TMPRSS11A: variants seen among roughly 807,000 people sequenced by gnomAD.
The protein encoded by TMPRSS11A is transmembrane serine protease 11A, also known as transmembrane protease serine 11A.
In TMPRSS11A, 53 loss-of-function variants were observed where a neutral mutation model predicts 58.9. That is an observed-to-expected ratio of 0.90 (90% CI 0.72 to 1.13). The LOEUF is 1.13. TMPRSS11A is among the 50% of genes most tolerant of loss of function. The pLI is 0.00. For synonymous variants in TMPRSS11A, 167 were observed against 169.8 expected, an observed-to-expected ratio of 0.98 and a Z score of 0.13; for missense variants, 493 against 499.3, an observed-to-expected ratio of 0.99 and a Z score of 0.12.
intron 5 of TMPRSS11A, among the ~76,000 whole-genome samples, chr4:67,927,334 C>A (rs1017314490): frequency 3.3e-5 from 5 of 152,248 alleles, no homozygotes; most frequent in Admixed American, 2.6e-4. Flanking sequence ...CAGTTCCTGG[C>A]ATCTCCAAGC....
intron 8 of TMPRSS11A, 82 bp downstream of exon 8, chr4:67,918,891 T>G: frequency 1.3e-6 from 2 of 1,487,286 alleles, no homozygotes; most frequent in Non-Finnish European, 9.2e-7. Flanking sequence ...TGGAAATGGC[T>G]GTCAGGATAA....
chr4:67,941,198 C>T (rs894826742), intron 3 of TMPRSS11A, among the ~76,000 whole-genome samples: 8 of 152,284 alleles, frequency 5.3e-5, no homozygotes, highest in South Asian at 2.1e-4. Flanking sequence ...GGACGTGCAA[C>T]CTGTCTTCCT....
At position 67,929,887 on chromosome 4, in the gene TMPRSS11A, T is replaced by C; in HGVS notation, c.474A>G (p.Gln158=). ...AGAAGGGGACCTCCTTACCATTAAC[T>C]TGAACTGATGAGGCATTTATTGGCA... ...RALPINASSV[Q]VNAMSSSTGE... is the part of the protein sequence containing the mutation. Residue 158 remains glutamine, a synonymous_variant, in exon 5 of 10, where the codon CAA becomes CAG. Transcript: ENST00000508048. 1 of 1,610,670 alleles carries C rather than the reference T, an allele frequency of 6.2e-7. No homozygotes were observed.
rs886815331 is a variant in TMPRSS11A at position 67,929,901 on chromosome 4, C to A, written c.460G>T (p.Ala154Ser). 2.5e-6 allele frequency: 4 copies of A among 1,612,724 alleles called. No individual in the cohort carries two copies. The Admixed American group carries it at 5.0e-5, about 20-fold the overall frequency. ...IRNLRALPIN[A>S]SSVQVNAMSS... is the part of the protein sequence containing the mutation. Reference sequence around the variant, plus strand: ...TTACCATTAACTTGAACTGATGAGGCATTTATTGGCAAGGCTCTTAAATTC... The same window carrying A: ...TTACCATTAACTTGAACTGATGAGGAATTTATTGGCAAGGCTCTTAAATTC... The change falls in exon 5 of 10, where the codon GCC (alanine) becomes TCC (serine). Residue 154 changes from alanine to serine, a missense_variant. Transcript: ENST00000508048.
intron 3 of TMPRSS11A, among the ~76,000 whole-genome samples, chr4:67,936,602 G>A (rs1195133326): frequency 2.6e-5 from 4 of 152,050 alleles, no homozygotes; most frequent in Non-Finnish European, 5.9e-5. Flanking sequence ...TCATCAAATG[G>A]GATGTGATAT....
intron 4 of TMPRSS11A, among the ~76,000 whole-genome samples, chr4:67,931,383 A>G (rs1720615022): frequency 6.6e-6 from 1 of 152,174 alleles, no homozygotes; most frequent in South Asian, 2.1e-4. Flanking sequence ...ATACAGGCTC[A>G]TGGATTTGTG....
intron 4 of TMPRSS11A, among the ~76,000 whole-genome samples, chr4:67,930,600 G>A (rs1577859058): frequency 1.3e-5 from 2 of 151,814 alleles, no homozygotes; most frequent in South Asian, 2.1e-4. Flanking sequence ...CCAAATATTT[G>A]AAGACAACAA....
chr4:67,949,543 A>T (rs1305001897), intron 1 of TMPRSS11A, among the ~76,000 whole-genome samples: 1 of 152,192 alleles, frequency 6.6e-6, no homozygotes, highest in Non-Finnish European at 1.5e-5. Flanking sequence ...TTATGAATAT[A>T]AACAAGGAAT....
chr4:67,920,551 T>TATATATATATATATATATATA (rs58054364), intron 7 of TMPRSS11A, among the ~76,000 whole-genome samples: 4 of 80,068 alleles, frequency 5.0e-5, no homozygotes, highest in African/African-American at 1.5e-4. Flanking sequence ...ATATATATAT[T>TATATATATATATATATATATA]TTTTTTTATA....
At chr4:67,949,580 C>T (rs960923681) in intron 1 of TMPRSS11A, among the ~76,000 whole-genome samples, 1 of 152,176 alleles carries the variant, frequency 6.6e-6, no homozygotes, top group Non-Finnish European at 1.5e-5. Context: ...GTATCACCAC[C>T]GGGCATGGTG....
intron 1 of TMPRSS11A, among the ~76,000 whole-genome samples, chr4:67,956,474 A>C (rs990388883): frequency 2.0e-5 from 3 of 152,202 alleles, no homozygotes. Context: ...TTTCAGAAAC[A>C]TATCTATGAA....
At chr4:67,944,192 A>G (rs929278512) in intron 3 of TMPRSS11A, among the ~76,000 whole-genome samples, 1 of 152,144 alleles carries the variant, frequency 6.6e-6, no homozygotes, top group African/African-American at 2.4e-5. Flanking sequence ...AGGCTTTTCT[A>G]CAGGGGAAAC....
intron 1 of TMPRSS11A, among the ~76,000 whole-genome samples, chr4:67,949,897 A>G (rs1468040208): frequency 1.3e-5 from 2 of 152,148 alleles, no homozygotes; most frequent in Admixed American, 6.5e-5. Context: ...CAGAGGCCAT[A>G]TTAGTCATTT....
chr4:67,961,827 G>A, intron 1 of TMPRSS11A, among the ~76,000 whole-genome samples: 1 of 151,916 alleles, frequency 6.6e-6, no homozygotes, highest in East Asian at 1.9e-4. Context: ...TCCTTTATCA[G>A]CAGGTGTCAC....
Position 67,932,063 on chromosome 4 carries a change from G to T in TMPRSS11A, c.253-3C>A, listed in dbSNP as rs767860533. 2 of 1,517,526 alleles carry T rather than the reference G, an allele frequency of 1.3e-6. No individual in the cohort carries two copies. Among genetic ancestry groups the T allele is most frequent in the Non-Finnish European group, 1.8e-6 (2 of 1,093,232 alleles). 94.0% of individuals were successfully genotyped at this position (1,517,526 alleles called of 1,614,324 possible). A position where few individuals can be genotyped will look rare whatever the true frequency, so the allele number is the denominator to read the frequency against. ...GAATCTATAAATATCTCATCCACCT[G>T]TTACACAACAAGAGAGAAACTATGT... On this transcript the variant is annotated splice_polypyrimidine_tract_variant and splice_region_variant and intron_variant, in intron 3 of 9. Transcript: ENST00000508048.
chr4:67,931,044 G>A (rs903833913), intron 4 of TMPRSS11A, among the ~76,000 whole-genome samples: 2 of 151,972 alleles, frequency 1.3e-5, no homozygotes, highest in African/African-American at 4.8e-5. Flanking sequence ...GTATTATATA[G>A]TGATGGCTAC....
chr4:67,916,472 TACACAC>T (rs34678013), intron 8 of TMPRSS11A, among the ~76,000 whole-genome samples: 3,006 of 150,170 alleles, frequency 0.02, 73 homozygotes, highest in African/African-American at 0.058. Flanking sequence ...ATATATATTA[TACACAC>T]ACACACACAC....
At chr4:67,962,502 C>T (rs1468171293) in intron 1 of TMPRSS11A, among the ~76,000 whole-genome samples, 1 of 152,120 alleles carries the variant, frequency 6.6e-6, no homozygotes, top group African/African-American at 2.4e-5. Context: ...GACCTGGAGA[C>T]GTCCCCTAAC....
intron 4 of TMPRSS11A, 148 bp from the exon 5 acceptor site, chr4:67,930,188 T>C: frequency 7.2e-6 from 4 of 555,952 alleles, no homozygotes; most frequent in Non-Finnish European, 9.0e-6. Context: ...CCCAAGGTCA[T>C]TTCATATGTT....
Sources: gnomAD v4.1 joint callset for allele counts (sites outside exome capture counted in the v4.1 genomes callset) on GRCh38, gnomAD v4.1.1 for gene constraint, MANE v1.5 for transcripts, NCBI Gene and HGNC (gene_info 2026-07-23, HGNC 2026-07-21) for gene names.